SUCLG2: variants seen among roughly 807,000 people sequenced by gnomAD.
SUCLG2 encodes the protein succinate--CoA ligase [GDP-forming] subunit beta, mitochondrial.
SUCLG2 carries 42 observed loss-of-function variants against 47.9 expected under a neutral mutation model. The observed-to-expected ratio is 0.88, with a 90% CI of 0.69 to 1.14. The LOEUF (loss-of-function observed/expected upper bound fraction) is 1.14, where lower values mean the gene tolerates loss of function less well. Ranked by LOEUF, SUCLG2 falls within the 50% of genes most tolerant of loss-of-function variation. SUCLG2 has a pLI of 0.00. For missense variants in SUCLG2, 571 were observed against 525.9 expected, an observed-to-expected ratio of 1.09 and a Z score of -0.84; for synonymous variants, 195 against 197.3, an observed-to-expected ratio of 0.99 and a Z score of 0.10.
At chr3:67,650,565 T>C (rs1701268404) in intron 1 of SUCLG2, among the ~76,000 whole-genome samples, 1 of 152,120 alleles carries the variant, frequency 6.6e-6, no homozygotes, top group Admixed American at 6.6e-5. Flanking sequence ...GAGACAAACC[T>C]GACCAACATG....
intron 10 of SUCLG2, among the ~76,000 whole-genome samples, chr3:67,364,399 G>C (rs1229316396): frequency 6.7e-6 from 1 of 149,242 alleles, no homozygotes; most frequent in Non-Finnish European, 1.5e-5. Flanking sequence ...TGGTGTCAGA[G>C]GAGGCCTAAC....
intron 9 of SUCLG2, among the ~76,000 whole-genome samples, chr3:67,447,981 G>C (rs1703966337): frequency 6.6e-6 from 1 of 152,136 alleles, no homozygotes; most frequent in Non-Finnish European, 1.5e-5. Context: ...CGCCTGCCTA[G>C]GCCTCCCAAA....
intron 10 of SUCLG2, among the ~76,000 whole-genome samples, chr3:67,378,726 G>T: frequency 6.6e-6 from 1 of 152,218 alleles, no homozygotes; most frequent in East Asian, 1.9e-4. Context: ...TTTGTTAAGT[G>T]CTGATAGGTA....
chr3:67,438,008 G>T (rs981407910), intron 9 of SUCLG2, among the ~76,000 whole-genome samples: 1 of 151,994 alleles, frequency 6.6e-6, no homozygotes, highest in Non-Finnish European at 1.5e-5. Flanking sequence ...ATGCACTGTC[G>T]CTTCTGCGAT....
intron 4 of SUCLG2, among the ~76,000 whole-genome samples, chr3:67,527,147 G>A (rs572253141): frequency 1.3e-5 from 2 of 152,316 alleles, no homozygotes; most frequent in South Asian, 2.1e-4. Flanking sequence ...CAACTTAAGA[G>A]TTTTCCACAA....
At chr3:67,452,454 G>A (rs998738723) in intron 9 of SUCLG2, among the ~76,000 whole-genome samples, 8 of 152,116 alleles carry the variant, frequency 5.3e-5, no homozygotes, top group African/African-American at 1.9e-4. Context: ...TGCTTTTGAG[G>A]TGCTTAATGA....
chr3:67,572,780 G>A (rs905957631), intron 2 of SUCLG2, among the ~76,000 whole-genome samples: 1 of 151,872 alleles, frequency 6.6e-6, no homozygotes, highest in Non-Finnish European at 1.5e-5. Flanking sequence ...GCCTCTTACC[G>A]ATTCTACTCA....
intron 2 of SUCLG2, among the ~76,000 whole-genome samples, chr3:67,564,854 T>C (rs1707409755): frequency 6.6e-6 from 1 of 152,218 alleles, no homozygotes; most frequent in Non-Finnish European, 1.5e-5. Context: ...TGGAAAGGTA[T>C]CATATTTTTA....
intron 10 of SUCLG2, among the ~76,000 whole-genome samples, chr3:67,367,151 A>G (rs1004743250): frequency 3.3e-5 from 5 of 152,208 alleles, no homozygotes; most frequent in African/African-American, 9.6e-5. Context: ...CCAGTTAAAG[A>G]TCTAAAACTA....
chr3:67,508,900 C>T lies in SUCLG2; in HGVS notation c.664G>A (p.Ala222Thr). The T allele has an allele frequency of 3.1e-6, 5 of 1,607,456 alleles. No homozygotes were observed. Among genetic ancestry groups the T allele is most frequent in the Non-Finnish European group, 4.2e-6 (5 of 1,177,014 alleles). Residue 222 changes from alanine to threonine, a missense_variant, in exon 7 of 11, where the codon GCA (alanine) becomes ACA (threonine). Physicochemically the swap from Ala to Thr is moderately conservative, Grantham distance 58 (BLOSUM62 0). Coordinates refer to ENST00000307227, the MANE Select transcript of SUCLG2 (RefSeq NM_003848.4). The part of the protein sequence containing the change: ...GFVGPLKSQA[A>T]DQITKLYNLF... ...TTATACAGCTTCGTAATTTGATCTGCAGCCTAAATGTGATCAAGTGAAATA... is the reference window on the plus strand; with the variant it reads ...TTATACAGCTTCGTAATTTGATCTGTAGCCTAAATGTGATCAAGTGAAATA...
chr3:67,607,326 C>T (rs1346738632), intron 2 of SUCLG2, among the ~76,000 whole-genome samples: 2 of 152,240 alleles, frequency 1.3e-5, no homozygotes, highest in East Asian at 3.9e-4. Flanking sequence ...AAAATGAACA[C>T]AAAATATCCT....
At chr3:67,450,972 T>C (rs2106936079) in intron 9 of SUCLG2, among the ~76,000 whole-genome samples, 1 of 152,346 alleles carries the variant, frequency 6.6e-6, no homozygotes, top group Non-Finnish European at 1.5e-5. Context: ...GAGCGCTTAC[T>C]CTGTGCTAGG....
At chr3:67,596,802 C>T (rs1708304434) in intron 2 of SUCLG2, among the ~76,000 whole-genome samples, 1 of 152,236 alleles carries the variant, frequency 6.6e-6, no homozygotes, top group Non-Finnish European at 1.5e-5. Flanking sequence ...TCACTTATAA[C>T]ACACACAACA....
chr3:67,576,262 T>C (rs748708319), intron 2 of SUCLG2, among the ~76,000 whole-genome samples: 4 of 152,300 alleles, frequency 2.6e-5, no homozygotes, highest in Middle Eastern at 3.4e-3. Flanking sequence ...GACAGGCTCA[T>C]TGAGTTTGCA....
At chr3:67,429,844 A>G (rs1344602567) in intron 9 of SUCLG2, among the ~76,000 whole-genome samples, 1 of 152,200 alleles carries the variant, frequency 6.6e-6, no homozygotes, top group Non-Finnish European at 1.5e-5. Context: ...AGATCAAAAG[A>G]GACAAAGAAG....
rs774375828 is a variant in SUCLG2, at chr3:67,520,506, A to G, written c.546T>C (p.Ala182=). Residue 182 remains alanine (A), a synonymous_variant, in exon 5 of 11, where the codon GCT becomes GCC. Coordinates refer to ENST00000307227, the MANE Select transcript of SUCLG2 (RefSeq NM_003848.4). Reference sequence around the variant, plus strand: ...CCTTAAAAATGAGCTCCGGGTTTGAAGCAGCCACCTCTTCAATGTCGACGC... The same window carrying G: ...CCTTAAAAATGAGCTCCGGGTTTGAGGCAGCCACCTCTTCAATGTCGACGC... The part of the protein sequence containing the change: ...QGGVDIEEVA[A]SNPELIFKEQ... 4 of 1,614,148 alleles carry G rather than the reference A, an allele frequency of 2.5e-6. No homozygotes were observed. The highest frequency in any genetic ancestry group is 1.1e-5 in the South Asian group (1 of 91,084).
At chr3:67,587,321 C>CAA (rs753070301) in intron 2 of SUCLG2, among the ~76,000 whole-genome samples, 1 of 152,168 alleles carries the variant, frequency 6.6e-6, no homozygotes, top group Non-Finnish European at 1.5e-5. Flanking sequence ...TACCTGGAGA[C>CAA]AAACAAGGCC....
At chr3:67,487,756 A>G (rs73088904) in intron 9 of SUCLG2, among the ~76,000 whole-genome samples, 3,572 of 152,266 alleles carry the variant, frequency 0.023, 55 homozygotes, top group African/African-American at 0.038. Flanking sequence ...AAGTCCTTCA[A>G]CTATTACTGA....
intron 10 of SUCLG2, chr3:67,376,264 C>A: frequency 2.0e-6 from 2 of 985,436 alleles, no homozygotes; most frequent in Non-Finnish European, 2.4e-6. Flanking sequence ...CCAGCTATGT[C>A]CACAAATCCA....
Sources: gnomAD v4.1 joint callset for allele counts (sites outside exome capture counted in the v4.1 genomes callset) on GRCh38, gnomAD v4.1.1 for gene constraint, MANE v1.5 for transcripts, NCBI Gene and HGNC (gene_info 2026-07-23, HGNC 2026-07-21) for gene names.